The following ADAMTSL1 variants were observed in gnomAD, a reference collection of about 807,000 sequenced individuals.
The protein encoded by ADAMTSL1 is ADAMTS-like protein 1.
In ADAMTSL1, 126 loss-of-function variants were observed where a neutral mutation model predicts 201.8. The ratio of observed to expected loss-of-function variants is 0.62; its 90% confidence interval spans 0.54 to 0.72. The LOEUF (loss-of-function observed/expected upper bound fraction) is 0.72, where lower values mean the gene tolerates loss of function less well. Among genes scored for constraint, ADAMTSL1 ranks in the 30% least tolerant of loss-of-function variants. The pLI is 0.00. For missense variants in ADAMTSL1, 2,679 were observed against 2,277.8 expected (o/e 1.18, Z -3.59); for synonymous variants, 1,121 against 903.4 (o/e 1.24, Z -4.32).
chr9:18,625,782 T>C (rs553815223), intron 5 of ADAMTSL1, among the ~76,000 whole-genome samples: 1 of 152,350 alleles, frequency 6.6e-6, no homozygotes, highest in African/African-American at 2.4e-5. Flanking sequence ...CTCGTCTGTA[T>C]CTGTATGTTT....
At chr9:18,111,648 C>G (rs569644) in intron 1 of ADAMTSL1, among the ~76,000 whole-genome samples, 57 of 152,152 alleles carry the variant, frequency 3.7e-4, no homozygotes, top group African/African-American at 1.3e-3. Context: ...AGACTGACCG[C>G]CATAAACAGA....
At chr9:18,833,189 C>A (rs1253736453) in intron 23 of ADAMTSL1, among the ~76,000 whole-genome samples, 1 of 152,208 alleles carries the variant, frequency 6.6e-6, no homozygotes, top group Non-Finnish European at 1.5e-5. Flanking sequence ...GTGCTTGTTG[C>A]TCTCATACTC....
At chr9:18,274,552 G>A (rs1438166082) in intron 2 of ADAMTSL1, among the ~76,000 whole-genome samples, 1 of 151,834 alleles carries the variant, frequency 6.6e-6, no homozygotes, top group Non-Finnish European at 1.5e-5. Flanking sequence ...AAGAAAATTT[G>A]TACTTAATGC....
At chr9:18,731,361 TGGCTCATG>T (rs796360650) in intron 15 of ADAMTSL1, among the ~76,000 whole-genome samples, 29 of 152,336 alleles carry the variant, frequency 1.9e-4, no homozygotes, top group African/African-American at 7.0e-4. Context: ...CTGGGTGTAG[TGGCTCATG>T]TCTATAATCC....
chr9:18,829,769 T>C (rs1824857060), intron 22 of ADAMTSL1, 74 bp from the exon 23 acceptor site: 5 of 1,585,124 alleles, frequency 3.2e-6, no homozygotes, highest in Non-Finnish European at 3.5e-6. Context: ...CACACATGCA[T>C]ACCCACCTCT....
At chr9:18,169,221 G>A (rs922913289) in intron 2 of ADAMTSL1, among the ~76,000 whole-genome samples, 25 of 151,744 alleles carry the variant, frequency 1.6e-4, no homozygotes, top group African/African-American at 3.6e-4. Flanking sequence ...CCTGAATGGT[G>A]TTGCCTAGGT....
In ADAMTSL1 at chr9:18,301,091, A is replaced by C. The variant is rs1025551721; in HGVS notation, c.207+137110A>C. Among the ~76,000 whole-genome samples the C allele has an allele frequency of 2.0e-5, 3 of 152,350 alleles. No homozygotes were observed. In the South Asian group the frequency reaches 6.2e-4, roughly 32 times the overall value. ...TAGCCATAATAATGAAGCACTGAAA[A>C]TGGATTCAATCGAAACTTATTTCAT... On this transcript the variant is annotated intron_variant, in intron 2 of 29. Transcript: ENST00000680146.
At chr9:18,847,168 G>A (rs1826172755) in intron 23 of ADAMTSL1, among the ~76,000 whole-genome samples, 1 of 152,194 alleles carries the variant, frequency 6.6e-6, no homozygotes, top group Non-Finnish European at 1.5e-5. Context: ...TCAATCATGA[G>A]TGTGAGAAAA....
At chr9:18,481,877 T>A (rs1215058157) in intron 1 of ADAMTSL1, among the ~76,000 whole-genome samples, 1 of 152,216 alleles carries the variant, frequency 6.6e-6, no homozygotes, top group Non-Finnish European at 1.5e-5. Context: ...TACCATTATG[T>A]GTGACCAATG....
chr9:18,022,520 T>C (rs1820520562), intron 1 of ADAMTSL1, among the ~76,000 whole-genome samples: 2 of 152,046 alleles, frequency 1.3e-5, no homozygotes, highest in African/African-American at 2.4e-5. Flanking sequence ...CTCTAGGTTG[T>C]CGCATAAAGA....
At position 18,048,342 on chromosome 9, in the gene ADAMTSL1, A is replaced by C. The variant is rs116622268; in HGVS notation, c.88-115520A>C. On this transcript the variant is annotated intron_variant, in intron 1 of 29. Coordinates refer to the ADAMTSL1 transcript ENST00000680146. ...ATCTCACATAGAAATTTAACAAAAA[A>C]CAGGTGAAATTCCAGTTGGTTTTAT... Among the ~76,000 whole-genome samples the C allele has an allele frequency of 8.1e-3, 1,232 of 152,328 alleles. 14 individuals carry two copies. Among genetic ancestry groups the C allele is most frequent in the African/African-American group, 0.029 (1,187 of 41,582 alleles).
chr9:18,261,376 C>T (rs183344983), intron 2 of ADAMTSL1, among the ~76,000 whole-genome samples: 68 of 152,234 alleles, frequency 4.5e-4, no homozygotes, highest in African/African-American at 1.5e-3. Flanking sequence ...CAATCTAACA[C>T]AGATAAATAA....
At chr9:18,238,899 T>C (rs759674750) in intron 2 of ADAMTSL1, among the ~76,000 whole-genome samples, 3 of 152,240 alleles carry the variant, frequency 2.0e-5, no homozygotes, top group Non-Finnish European at 2.9e-5. Flanking sequence ...CTCAGAGATA[T>C]TGCAGGTTCT....
chr9:18,239,712 C>A (rs1240460378), intron 2 of ADAMTSL1, among the ~76,000 whole-genome samples: 1 of 151,768 alleles, frequency 6.6e-6, no homozygotes, highest in Non-Finnish European at 1.5e-5. Flanking sequence ...CATGCCACCG[C>A]ACTCCAGCCT....
At chr9:18,795,610 T>C (rs1012654678) in intron 20 of ADAMTSL1, 86 bp downstream of exon 20, 1 of 1,390,796 alleles carries the variant, frequency 7.2e-7, no homozygotes, top group Non-Finnish European at 9.7e-7. Context: ...CAGAGATGCA[T>C]AGATAAAGGA....
intron 2 of ADAMTSL1, among the ~76,000 whole-genome samples, chr9:18,372,649 A>G (rs1837097564): frequency 6.6e-6 from 1 of 152,210 alleles, no homozygotes; most frequent in South Asian, 2.1e-4. Context: ...CCAACATTAT[A>G]AAAATACATA....
intron 15 of ADAMTSL1, chr9:18,723,748 T>C (rs1169309925): frequency 6.6e-6 from 1 of 152,524 alleles, no homozygotes; most frequent in African/African-American, 2.4e-5. Context: ...GGGACCAAAG[T>C]ATAATGGCCT....
At chr9:18,584,514 A>T (rs1823351522) in intron 4 of ADAMTSL1, among the ~76,000 whole-genome samples, 1 of 152,226 alleles carries the variant, frequency 6.6e-6, no homozygotes, top group South Asian at 2.1e-4. Flanking sequence ...AGAAAATGAC[A>T]CAGCCAAGTT....
At chr9:18,849,605 G>A (rs942999315) in intron 23 of ADAMTSL1, among the ~76,000 whole-genome samples, 4 of 152,142 alleles carry the variant, frequency 2.6e-5, no homozygotes, top group Non-Finnish European at 2.9e-5. Context: ...CAGGGATGCC[G>A]GGAAGGGGAG....
Sources: allele counts gnomAD v4.1 joint callset (sites outside exome capture counted in the v4.1 genomes callset), GRCh38; gene constraint gnomAD v4.1.1; transcripts MANE v1.5; gene names NCBI Gene and HGNC (gene_info 2026-07-23, HGNC 2026-07-21).